Variants in SMC6 observed in about 807,000 individuals in gnomAD.
SMC6 encodes the protein structural maintenance of chromosomes protein 6.
A neutral mutation model predicts 142.2 loss-of-function variants in SMC6; 79 were observed. The observed-to-expected ratio is 0.56, with a 90% CI of 0.46 to 0.67. The LOEUF is 0.67. SMC6 is among the 30% of genes least tolerant of loss of function. The pLI is 0.00. For missense variants in SMC6, 1,072 were observed against 1,284.0 expected, an observed-to-expected ratio of 0.83 and a Z score of 2.52; for synonymous variants, 411 against 412.4, an observed-to-expected ratio of 1.00 and a Z score of 0.04.
At chr2:17,703,110 G>T (rs749799379) in intron 19 of SMC6, 47 bp downstream of exon 19, 79 of 1,174,726 alleles carry the variant, frequency 6.7e-5, no homozygotes, top group Non-Finnish European at 9.1e-5. Flanking sequence ...CTTCGTAGTA[G>T]TAAGTTGAAA....
chr2:17,676,247 T>C (rs1296974426), intron 25 of SMC6, among the ~76,000 whole-genome samples: 1 of 152,162 alleles, frequency 6.6e-6, no homozygotes, highest in Non-Finnish European at 1.5e-5. Flanking sequence ...CTGGATCTGT[T>C]TTGTCCATTT....
chr2:17,746,675 A>G (rs1670761121), intron 2 of SMC6, among the ~76,000 whole-genome samples: 1 of 152,234 alleles, frequency 6.6e-6, no homozygotes, highest in Non-Finnish European at 1.5e-5. Flanking sequence ...CTTTTAAATT[A>G]CACATGATTT....
chr2:17,684,032 C>T (rs765821770), intron 23 of SMC6, among the ~76,000 whole-genome samples: 8 of 152,122 alleles, frequency 5.3e-5, no homozygotes, highest in African/African-American at 9.7e-5. Flanking sequence ...TGCCCTGGTA[C>T]GGCCTAGAGG....
At chr2:17,750,503 A>G (rs1233908131) in intron 2 of SMC6, among the ~76,000 whole-genome samples, 1 of 152,232 alleles carries the variant, frequency 6.6e-6, no homozygotes, top group African/African-American at 2.4e-5. Flanking sequence ...GCTACAACTT[A>G]GTTCTAACAT....
intron 2 of SMC6, among the ~76,000 whole-genome samples, chr2:17,748,268 T>A (rs937851630): frequency 2.0e-4 from 31 of 152,222 alleles, no homozygotes; most frequent in African/African-American, 6.8e-4. Context: ...TGAATCAGAA[T>A]CTTCACTTTA....
chr2:17,706,220 A>C (rs1325063941), intron 18 of SMC6, among the ~76,000 whole-genome samples: 1 of 152,174 alleles, frequency 6.6e-6, no homozygotes, highest in African/African-American at 2.4e-5. Context: ...TCAAAAATTC[A>C]CAGGTAATTT....
Position 17,751,467 on chromosome 2 carries a change from C to CAA in SMC6, c.-6+1509_-6+1510dup, listed in dbSNP as rs11309389. Among the ~76,000 whole-genome samples, 318 of 89,112 alleles carry CAA rather than the reference C, an allele frequency of 3.6e-3. 3 individuals are homozygous for CAA. Among genetic ancestry groups the CAA allele is most frequent in the Non-Finnish European group, 4.2e-3 (166 of 39,612 alleles). 58.5% of individuals were successfully genotyped at this position (89,112 alleles called of 152,430 possible). A position where few individuals can be genotyped will look rare whatever the true frequency, so the allele number is the denominator to read the frequency against. ...GACAAGAGTAAAACTCTGTCTCAAA[C>CAA]AAAAAAAAAAAAAAAAGAGGAAAAA... On this transcript the variant is annotated intron_variant, in intron 2 of 27. Transcript: ENST00000448223.
chr2:17,707,359 T>C lies in SMC6; in HGVS notation c.1866A>G (p.Ala622=). The C allele has an allele frequency of 6.4e-7, 1 of 1,558,134 alleles. No homozygotes were observed. The highest frequency in any genetic ancestry group is 1.3e-5 in the South Asian group (1 of 79,934). Residue 622 remains alanine (A), a synonymous_variant, in exon 18 of 28, where the codon GCA becomes GCG. Transcript: ENST00000448223. ...LLIKNNSVAR[A]VMQSQKPPKN... is the part of the protein sequence containing the mutation. ...TGGGTGGCTTTTGGGACTGCATTAC[T>C]GCACGAGCTACAGAATTATTCTAAA...
chr2:17,684,761 G>T (rs1339720894), intron 23 of SMC6, among the ~76,000 whole-genome samples: 1 of 152,162 alleles, frequency 6.6e-6, no homozygotes, highest in African/African-American at 2.4e-5. Flanking sequence ...AGAAGTTCAA[G>T]GCTGCAGTGA....
chr2:17,690,588 C>CA (rs1667656648), intron 23 of SMC6, among the ~76,000 whole-genome samples: 1 of 150,732 alleles, frequency 6.6e-6, no homozygotes, highest in Non-Finnish European at 1.5e-5. Context: ...GACTCCATTT[C>CA]AAAAAATCAA....
intron 25 of SMC6, among the ~76,000 whole-genome samples, chr2:17,671,723 C>A (rs570339214): frequency 6.7e-6 from 1 of 149,274 alleles, no homozygotes; most frequent in Admixed American, 6.6e-5. Context: ...TAAATAAAAT[C>A]TTTAAAAAAT....
At chr2:17,695,049 G>T in intron 23 of SMC6, 103 bp downstream of exon 23, 1 of 1,290,168 alleles carries the variant, frequency 7.8e-7, no homozygotes, top group East Asian at 2.3e-5. Context: ...ATTTGCTATA[G>T]TAACACTTCA....
At chr2:17,745,411 G>A (rs1044372960) in intron 3 of SMC6, among the ~76,000 whole-genome samples, 2 of 152,102 alleles carry the variant, frequency 1.3e-5, no homozygotes, top group Non-Finnish European at 1.5e-5. Context: ...TTCGTACTGG[G>A]TGACTTGTGG....
At chr2:17,742,814 C>T (rs978029068) in intron 3 of SMC6, among the ~76,000 whole-genome samples, 9 of 152,164 alleles carry the variant, frequency 5.9e-5, no homozygotes, top group Non-Finnish European at 8.8e-5. Context: ...TCAGTTTCCG[C>T]CCATTGTAAC....
intron 2 of SMC6, among the ~76,000 whole-genome samples, chr2:17,748,281 A>G (rs1418347256): frequency 6.6e-6 from 1 of 152,228 alleles, no homozygotes; most frequent in Non-Finnish European, 1.5e-5. Flanking sequence ...TCACTTTAAC[A>G]AGACTTAAGG....
intron 18 of SMC6, 128 bp from the exon 19 acceptor site, chr2:17,703,420 G>T: frequency 1.4e-6 from 1 of 714,920 alleles, no homozygotes; most frequent in Non-Finnish European, 2.2e-6. Flanking sequence ...AGTTAAACCA[G>T]TTCTATAATC....
At chr2:17,671,149 C>A (rs933001850) in intron 25 of SMC6, among the ~76,000 whole-genome samples, 1 of 151,658 alleles carries the variant, frequency 6.6e-6, no homozygotes, top group African/African-American at 2.4e-5. Flanking sequence ...GCTGGGATTA[C>A]AGGTGTAAGC....
rs372599416 is a variant in SMC6, at chr2:17,743,299, G to A, written c.121-1570C>T. ...ATTTCTATATTGAGCTGTCTAATCC[G>A]TGAGTAAGTATGTGTCTCCATTTAT... On this transcript the variant is annotated intron_variant, in intron 3 of 27. Coordinates refer to ENST00000448223, the MANE Select transcript of SMC6 (RefSeq NM_001142286.2). Among the ~76,000 whole-genome samples the A allele has an allele frequency of 1.1e-4, 16 of 152,210 alleles. No homozygotes were observed. In the East Asian group the frequency reaches 2.5e-3, roughly 24 times the overall value.
intron 25 of SMC6, among the ~76,000 whole-genome samples, chr2:17,675,264 C>T (rs1258410475): frequency 3.3e-5 from 5 of 152,020 alleles, no homozygotes; most frequent in South Asian, 2.1e-4. Context: ...AGTATAAGAA[C>T]CTTACAACAG....
Sources: allele counts gnomAD v4.1 joint callset (sites outside exome capture counted in the v4.1 genomes callset), GRCh38; gene constraint gnomAD v4.1.1; transcripts MANE v1.5; gene names NCBI Gene and HGNC (gene_info 2026-07-23, HGNC 2026-07-21).